Variants in DCC observed in about 807,000 individuals in gnomAD.
The protein encoded by DCC is netrin receptor DCC.
DCC carries 58 observed loss-of-function variants against 172.5 expected under a neutral mutation model. The observed-to-expected ratio is 0.34, with a 90% CI of 0.27 to 0.42. The LOEUF is 0.42. Ranked by LOEUF, DCC falls within the 10% of genes least tolerant of loss-of-function variation. The probability of loss-of-function intolerance (pLI) is 1.00; values close to 1 mark genes in which losing one functional copy is unlikely to be tolerated. For synonymous variants in DCC, 709 were observed against 644.5 expected (o/e 1.10, Z -1.52); for missense variants, 1,740 against 1,791.0 (o/e 0.97, Z 0.51).
At chr18:52,687,609 G>A (rs371290223) in intron 1 of DCC, among the ~76,000 whole-genome samples, 1 of 151,818 alleles carries the variant, frequency 6.6e-6, no homozygotes. Context: ...AATAAATGTA[G>A]TTAACGTATA....
intron 2 of DCC, among the ~76,000 whole-genome samples, chr18:52,897,709 A>G (rs2039751032): frequency 8.0e-6 from 1 of 125,572 alleles, no homozygotes; most frequent in African/African-American, 2.8e-5. Flanking sequence ...TTCTTATAAG[A>G]TCACATAGGG....
At chr18:53,129,553 T>G (rs2043620465) in intron 7 of DCC, among the ~76,000 whole-genome samples, 1 of 152,158 alleles carries the variant, frequency 6.6e-6, no homozygotes. Flanking sequence ...TTATCCGTAT[T>G]TAGATTTCAT....
At chr18:53,414,689 A>G (rs1366467742) in intron 20 of DCC, among the ~76,000 whole-genome samples, 1 of 152,170 alleles carries the variant, frequency 6.6e-6, no homozygotes, top group Non-Finnish European at 1.5e-5. Flanking sequence ...TCTACTAAAA[A>G]TACAAAAAAT....
chr18:53,312,774 AGTC>A (rs1327131846), intron 13 of DCC, among the ~76,000 whole-genome samples: 1 of 128,060 alleles, frequency 7.8e-6, no homozygotes, highest in Admixed American at 9.9e-5. Flanking sequence ...GTGCCACTGC[AGTC>A]CAGCCTGGGC....
intron 1 of DCC, among the ~76,000 whole-genome samples, chr18:52,722,063 A>C (rs921399791): frequency 6.6e-6 from 1 of 152,120 alleles, no homozygotes; most frequent in Non-Finnish European, 1.5e-5. Flanking sequence ...AAATAAAATA[A>C]AGTAGGTAAA....
chr18:52,916,524 T>A (rs993135431), intron 3 of DCC, among the ~76,000 whole-genome samples: 6 of 152,208 alleles, frequency 3.9e-5, no homozygotes, highest in African/African-American at 1.2e-4. Context: ...TTGGAAGATG[T>A]GTCTAATACA....
At chr18:53,149,851 T>A (rs910488999) in intron 7 of DCC, among the ~76,000 whole-genome samples, 1 of 152,202 alleles carries the variant, frequency 6.6e-6, no homozygotes, top group East Asian at 1.9e-4. Flanking sequence ...AAATCCTTTT[T>A]AGCATACAAC....
intron 12 of DCC, among the ~76,000 whole-genome samples, chr18:53,293,519 A>G (rs1275493694): frequency 6.6e-6 from 1 of 152,164 alleles, no homozygotes; most frequent in African/African-American, 2.4e-5. Context: ...GGTTTGTTAT[A>G]TAGGTAAACT....
At chr18:53,199,415 C>G (rs1366816144) in intron 9 of DCC, among the ~76,000 whole-genome samples, 1 of 151,864 alleles carries the variant, frequency 6.6e-6, no homozygotes, top group Non-Finnish European at 1.5e-5. Context: ...TTTTGAGTCT[C>G]CCTTTATTTC....
At chr18:52,705,861 A>G (rs1412479414) in intron 1 of DCC, among the ~76,000 whole-genome samples, 1 of 152,258 alleles carries the variant, frequency 6.6e-6, no homozygotes, top group Non-Finnish European at 1.5e-5. Flanking sequence ...TTCATTCATT[A>G]TAGATCTGTC....
chr18:53,113,897 A>C (rs2043372979), intron 7 of DCC, among the ~76,000 whole-genome samples: 1 of 151,424 alleles, frequency 6.6e-6, no homozygotes, highest in Non-Finnish European at 1.5e-5. Context: ...AAGCCTTGCC[A>C]ATGATGTTTT....
chr18:53,164,969 A>G (rs769821798), intron 8 of DCC, among the ~76,000 whole-genome samples: 5 of 152,208 alleles, frequency 3.3e-5, no homozygotes, highest in Admixed American at 1.3e-4. Flanking sequence ...TGGGATTTCA[A>G]TGCAAGGTTT....
At chr18:52,875,269 C>T (rs367876242) in intron 2 of DCC, among the ~76,000 whole-genome samples, 15 of 151,356 alleles carry the variant, frequency 9.9e-5, no homozygotes, top group African/African-American at 3.4e-4. Flanking sequence ...GCTGTTATTT[C>T]TTGCCAGAAT....
At chr18:52,411,702 C>A (rs552889674) in intron 1 of DCC, among the ~76,000 whole-genome samples, 1 of 152,238 alleles carries the variant, frequency 6.6e-6, no homozygotes, top group South Asian at 2.1e-4. Context: ...CAGGTTCTTC[C>A]ACATATTAGT....
intron 1 of DCC, among the ~76,000 whole-genome samples, chr18:52,710,946 A>G (rs1011653465): frequency 9.9e-5 from 15 of 152,178 alleles, no homozygotes; most frequent in Admixed American, 9.8e-4. Flanking sequence ...CTGACTGGGA[A>G]TTAAGGCTTA....
intron 1 of DCC, among the ~76,000 whole-genome samples, chr18:52,696,963 C>A (rs576727513): frequency 6.6e-6 from 1 of 152,180 alleles, no homozygotes; most frequent in East Asian, 1.9e-4. Flanking sequence ...GCTGCACAGT[C>A]AGATTTGGGA....
intron 2 of DCC, among the ~76,000 whole-genome samples, chr18:52,896,855 G>C (rs1324165914): frequency 7.4e-6 from 1 of 135,076 alleles, no homozygotes; most frequent in Non-Finnish European, 1.6e-5. Context: ...CTGGGTAGGG[G>C]CTGAAATCCA....
chr18:52,355,772 T>G (rs560964804), intron 1 of DCC, among the ~76,000 whole-genome samples: 1 of 152,110 alleles, frequency 6.6e-6, no homozygotes, highest in East Asian at 1.9e-4. Context: ...AGGCAATATA[T>G]TATTGTATTA....
rs550653966 is a variant in DCC, at chr18:53,147,831, A to T, written c.1262-9525A>T. ...CCTTGAGTAAATTATTTTAAAATTT[A>T]TTGTAAGTCCTATAGGGAGAGTTGG... On this transcript the variant is annotated intron_variant, in intron 7 of 28. Transcript: ENST00000442544. Among the ~76,000 whole-genome samples, 10 of 152,352 alleles carry T rather than the reference A, an allele frequency of 6.6e-5. No individual in the cohort carries two copies. In the East Asian group the frequency reaches 1.7e-3, roughly 26 times the overall value.
Sources: gnomAD v4.1 joint callset for allele counts (sites outside exome capture counted in the v4.1 genomes callset) on GRCh38, gnomAD v4.1.1 for gene constraint, MANE v1.5 for transcripts, NCBI Gene and HGNC (gene_info 2026-07-23, HGNC 2026-07-21) for gene names.